CDH13: variants seen among roughly 807,000 people sequenced by gnomAD.
CDH13 encodes the protein cadherin 13, also known as cadherin-13.
In CDH13, 24 loss-of-function variants were observed where a neutral mutation model predicts 63.8. The ratio of observed to expected loss-of-function variants is 0.38; its 90% confidence interval spans 0.27 to 0.53. The LOEUF is 0.53. CDH13 is among the 20% of genes least tolerant of loss of function. The pLI is 0.85. For synonymous variants in CDH13, 503 were observed against 355.3 expected, an observed-to-expected ratio of 1.42 and a Z score of -4.67; for missense variants, 1,049 against 903.1, an observed-to-expected ratio of 1.16 and a Z score of -2.07.
intron 6 of CDH13, among the ~76,000 whole-genome samples, chr16:83,418,187 C>T (rs190843442): frequency 1.3e-4 from 20 of 152,288 alleles, no homozygotes; most frequent in African/African-American, 4.6e-4. Context: ...CACTTTTCCT[C>T]ATTTGAAAAA....
chr16:82,857,061 A>C (rs1368678699), intron 1 of CDH13, among the ~76,000 whole-genome samples: 1 of 152,178 alleles, frequency 6.6e-6, no homozygotes, highest in East Asian at 1.9e-4. Context: ...AAAGAAGAAA[A>C]AATGCAAAGT....
intron 4 of CDH13, among the ~76,000 whole-genome samples, chr16:83,175,878 G>C (rs2038101379): frequency 7.4e-6 from 1 of 134,380 alleles, no homozygotes; most frequent in Non-Finnish European, 1.5e-5. Flanking sequence ...GCCCAGGCTA[G>C]AGTGTAATGG....
intron 5 of CDH13, among the ~76,000 whole-genome samples, chr16:83,264,963 C>G (rs1400558871): frequency 6.6e-6 from 1 of 152,086 alleles, no homozygotes; most frequent in Non-Finnish European, 1.5e-5. Context: ...AAATACGACT[C>G]TGATAGAATT....
intron 8 of CDH13, among the ~76,000 whole-genome samples, chr16:83,610,142 G>C (rs1364193586): frequency 6.6e-6 from 1 of 151,946 alleles, no homozygotes; most frequent in Non-Finnish European, 1.5e-5. Context: ...GGCAGTTTCA[G>C]TTTTTGGCTA....
In CDH13 at chr16:83,532,550, G is replaced by A. The variant is rs141159918; in HGVS notation, c.960+45895G>A. ...CTGCATCCAGAGTGCCTAGCTCAGC[G>A]CTAGTGCATGGTAGCTTCTCCATAA... On this transcript the variant is annotated intron_variant, in intron 7 of 13. Coordinates refer to ENST00000567109, the MANE Select transcript of CDH13 (RefSeq NM_001257.5). Among the ~76,000 whole-genome samples the A allele has an allele frequency of 5.8e-4, 88 of 152,316 alleles. No homozygotes were observed. The South Asian group carries it at 0.013, about 23-fold the overall frequency.
intron 10 of CDH13, among the ~76,000 whole-genome samples, chr16:83,740,571 C>A (rs1911965659): frequency 6.6e-6 from 1 of 152,130 alleles, no homozygotes; most frequent in Admixed American, 6.5e-5. Flanking sequence ...AAGTTTTGGT[C>A]CATGTGCCAT....
At chr16:83,762,641 C>T (rs1021478756) in intron 11 of CDH13, among the ~76,000 whole-genome samples, 2 of 152,144 alleles carry the variant, frequency 1.3e-5, no homozygotes, top group East Asian at 1.9e-4. Context: ...CCACTGGGGA[C>T]GGCCACAGGC....
rs150909473 is a variant in CDH13 at position 83,203,513 on chromosome 16, C to T, written c.484-13832C>T. Among the ~76,000 whole-genome samples the T allele has an allele frequency of 5.6e-3, 853 of 151,170 alleles. 10 individuals carry two copies. The highest frequency in any genetic ancestry group is 0.019 in the African/African-American group (798 of 41,216). On this transcript the variant is annotated intron_variant, in intron 4 of 13. Transcript: ENST00000567109. ...CATCCTGGCTAACATGGTGAAACCC[C>T]GTCTCTACTAAAAATACAAAAAAAT...
chr16:83,774,831 A>G lies in CDH13; in HGVS notation c.1682-5137A>G, dbSNP rs145445688. On this transcript the variant is annotated intron_variant, in intron 11 of 13. Coordinates refer to ENST00000567109, the MANE Select transcript of CDH13 (RefSeq NM_001257.5). The stretch of plus-strand genomic sequence containing the variant: ...TAATGGGTCAGAGTTTCAGTTTTGC[A>G]TGGTGAGAAAGTTCTGGAGATGAAT... 6.1e-3 allele frequency among the ~76,000 whole-genome samples: 923 copies of G among 152,302 alleles called. 12 individuals carry two copies. Among genetic ancestry groups the G allele is most frequent in the African/African-American group, 0.021 (882 of 41,554 alleles).
chr16:83,276,777 A>G (rs1168977361), intron 5 of CDH13, among the ~76,000 whole-genome samples: 1 of 152,214 alleles, frequency 6.6e-6, no homozygotes, highest in Admixed American at 6.5e-5. Context: ...AGGCTGAGGC[A>G]GAAGAATGGC....
At chr16:83,366,381 C>T (rs2091257900) in intron 6 of CDH13, among the ~76,000 whole-genome samples, 1 of 152,170 alleles carries the variant, frequency 6.6e-6, no homozygotes, top group Non-Finnish European at 1.5e-5. Context: ...TTACCACGAA[C>T]CGTCTTTTGA....
chr16:83,081,358 T>C (rs1017844680), intron 3 of CDH13, among the ~76,000 whole-genome samples: 1 of 152,170 alleles, frequency 6.6e-6, no homozygotes, highest in Non-Finnish European at 1.5e-5. Flanking sequence ...AAGACGGGCA[T>C]TGAACACAGG....
intron 4 of CDH13, among the ~76,000 whole-genome samples, chr16:83,188,927 G>T (rs1424226844): frequency 2.6e-5 from 4 of 152,138 alleles, no homozygotes; most frequent in African/African-American, 9.7e-5. Flanking sequence ...CACGCTTGGA[G>T]TGAGACCCTT....
At chr16:83,271,529 CAAAA>C (rs369596889) in intron 5 of CDH13, among the ~76,000 whole-genome samples, 6 of 108,704 alleles carry the variant, frequency 5.5e-5, no homozygotes, top group Admixed American at 3.8e-4. Context: ...ACAACAACAA[CAAAA>C]AAAAACGCTG....
intron 3 of CDH13, among the ~76,000 whole-genome samples, chr16:83,080,416 G>A (rs2033150408): frequency 6.6e-6 from 1 of 152,092 alleles, no homozygotes; most frequent in Non-Finnish European, 1.5e-5. Flanking sequence ...ATAAGAATAG[G>A]GATTTCAACT....
At chr16:83,490,036 CA>C (rs1471561140) in intron 7 of CDH13, among the ~76,000 whole-genome samples, 1 of 147,830 alleles carries the variant, frequency 6.8e-6, no homozygotes, top group Admixed American at 6.7e-5. Context: ...CACACACACA[CA>C]CACACACACA....
chr16:83,286,253 G>A (rs150139666), intron 5 of CDH13, among the ~76,000 whole-genome samples: 70 of 152,220 alleles, frequency 4.6e-4, no homozygotes, highest in African/African-American at 1.5e-3. Flanking sequence ...CTCTCTGCAC[G>A]ATGCCAGTTG....
In CDH13 at chr16:83,056,488, T is replaced by C. The variant is rs150003968; in HGVS notation, c.366+24270T>C. Among the ~76,000 whole-genome samples the C allele has an allele frequency of 2.2e-4, 34 of 152,118 alleles. No individual in the cohort carries two copies. The East Asian group carries it at 4.6e-3, about 21-fold the overall frequency. On this transcript the variant is annotated intron_variant, in intron 3 of 13. Transcript: ENST00000567109. ...GCAAAAAAAAAAGCAACTGTTATTA[T>C]GCTCAAAAATATGGATAAACTTAAT...
intron 2 of CDH13, among the ~76,000 whole-genome samples, chr16:82,870,415 CA>C (rs1170983109): frequency 6.6e-6 from 1 of 151,888 alleles, no homozygotes; most frequent in East Asian, 1.9e-4. Context: ...GGATGGTCCC[CA>C]AAAAACTAAA....
Sources: allele counts gnomAD v4.1 joint callset (sites outside exome capture counted in the v4.1 genomes callset), GRCh38; gene constraint gnomAD v4.1.1; transcripts MANE v1.5; gene names NCBI Gene and HGNC (gene_info 2026-07-23, HGNC 2026-07-21).